Variants in CCDC9B observed in about 807,000 individuals in gnomAD.
CCDC9B encodes the protein coiled-coil domain containing 9B, also known as coiled-coil domain-containing protein 9B.
A neutral mutation model predicts 47.2 loss-of-function variants in CCDC9B; 40 were observed. That is an observed-to-expected ratio of 0.85 (90% CI 0.66 to 1.10). The LOEUF (loss-of-function observed/expected upper bound fraction) is 1.10, where lower values mean the gene tolerates loss of function less well. Ranked by LOEUF, CCDC9B falls within the 50% of genes least tolerant of loss-of-function variation. The probability of loss-of-function intolerance (pLI) is 0.00; values close to 1 mark genes in which losing one functional copy is unlikely to be tolerated. For missense variants in CCDC9B, 662 were observed against 651.0 expected (o/e 1.02, Z -0.18); for synonymous variants, 238 against 250.7 (o/e 0.95, Z 0.48).
Position 40,339,954 on chromosome 15 carries a change from C to T in CCDC9B, c.74G>A (p.Arg25Lys), listed in dbSNP as rs1436955262. 1.2e-6 allele frequency: 2 copies of T among 1,613,958 alleles called. No homozygotes were observed. Among genetic ancestry groups the T allele is most frequent in the East Asian group, 4.5e-5 (2 of 44,880 alleles). Reference protein sequence around the residue: ...RQEKDAELDRRIVALRKKNQA... With the variant: ...RQEKDAELDRKIVALRKKNQA... Reference sequence around the variant, plus strand: ...GTTCTTCTTGCGCAGGGCAACTATCCTCCGATCCAGCTCTGCGTCCTTCTC... The same window carrying T: ...GTTCTTCTTGCGCAGGGCAACTATCTTCCGATCCAGCTCTGCGTCCTTCTC... The change falls in exon 2 of 11, where the codon AGG becomes AAG. Residue 25 changes from arginine (R) to lysine (K), a missense_variant. Transcript: ENST00000397536.
At position 40,335,125 on chromosome 15, in the gene CCDC9B, C is replaced by A. The variant is rs764269177; in HGVS notation, c.*33G>T. The A allele has an allele frequency of 6.8e-6, 10 of 1,480,188 alleles. No homozygotes were observed. Among genetic ancestry groups the A allele is most frequent in the Admixed American group, 2.3e-5 (1 of 43,318 alleles). 91.7% of individuals were successfully genotyped at this position (1,480,188 alleles called of 1,614,324 possible). ...TAACAGAGTGATTCCCTTTTCCTCT[C>A]CCCGGGGACTCCCCAGCTCCCAGGA... On this transcript the variant is annotated 3_prime_UTR_variant, in exon 11 of 11. Transcript: ENST00000397536.
chr15:40,337,837 G>T lies in CCDC9B; in HGVS notation c.570C>A (p.Asp190Glu), dbSNP rs1284006200. 2 of 1,609,458 alleles carry T rather than the reference G, an allele frequency of 1.2e-6. No individual in the cohort carries two copies. The highest frequency in any genetic ancestry group is 1.1e-5 in the South Asian group (1 of 90,730). ...PVGEPPEAGW[D>E]YAQWKQEREQ... ...CCCGCTCCTGCTTCCACTGGGCATA[G>T]TCCCAGCCCGCCTCCGGGGGCTCCC... is the stretch of plus-strand genomic sequence containing the variant. Residue 190 changes from aspartate (D) to glutamate (E), a missense_variant, in exon 6 of 11, where the codon GAC becomes GAA. Transcript: ENST00000397536.
At chr15:40,337,001 G>C in intron 7 of CCDC9B, 188 bp from the exon 8 acceptor site, 1 of 607,396 alleles carries the variant, frequency 1.6e-6, no homozygotes, top group Non-Finnish European at 2.9e-6. Flanking sequence ...CCATGGCTAG[G>C]TGTCTGGCCC....
intron 3 of CCDC9B, 173 bp from the exon 4 acceptor site, chr15:40,339,076 G>A (rs751167539): frequency 2.0e-5 from 15 of 752,348 alleles, no homozygotes; most frequent in Non-Finnish European, 2.9e-5. Flanking sequence ...GTTATCCAGG[G>A]CCCAGGGCCA....
intron 9 of CCDC9B, chr15:40,336,105 C>T (rs2060697147): frequency 1.6e-5 from 16 of 985,436 alleles, no homozygotes; most frequent in Non-Finnish European, 1.8e-5. Flanking sequence ...CAAAGAAACT[C>T]CTGGCAGAAG....
intron 7 of CCDC9B, 164 bp from the exon 8 acceptor site, chr15:40,336,977 C>T: frequency 1.6e-6 from 1 of 637,880 alleles, no homozygotes; most frequent in Non-Finnish European, 2.7e-6. Flanking sequence ...GGGTCCTGTG[C>T]TAGCTTTGCC....
chr15:40,337,563 C>T (rs1888991031), intron 6 of CCDC9B, 117 bp from the exon 7 acceptor site: 6 of 1,201,384 alleles, frequency 5.0e-6, no homozygotes, highest in Non-Finnish European at 6.9e-6. Context: ...AGATGGTGGG[C>T]CCAAGAAAGA....
At chr15:40,340,652 CTCTG>C (rs894491531) in intron 1 of CCDC9B, 152 bp downstream of exon 1, 1 of 690,506 alleles carries the variant, frequency 1.4e-6, no homozygotes, top group Non-Finnish European at 2.4e-6. Context: ...CCAGGTTCCT[CTCTG>C]TCTGGATGCA....
chr15:40,338,430 C>T, intron 5 of CCDC9B, 105 bp downstream of exon 5: 2 of 1,364,378 alleles, frequency 1.5e-6, no homozygotes, highest in Non-Finnish European at 2.0e-6. Flanking sequence ...CATGTGCTCC[C>T]TTGGCCACGT....
rs764131688 is a variant in CCDC9B at position 40,338,680 on chromosome 15, G to T, written c.388-20C>A. On this transcript the variant is annotated intron_variant, in intron 4 of 10. Transcript: ENST00000397536. ...TTTGCCCTGGGGAGGATGAAGATGG[G>T]CAGTGCAGCAGAGCCAGGGAGGAAG... 5.6e-6 allele frequency: 9 copies of T among 1,613,334 alleles called. 1 individual carries two copies. Among genetic ancestry groups the T allele is most frequent in the Non-Finnish European group, 8.5e-7 (1 of 1,179,614 alleles).
chr15:40,339,858 G>A (rs763697011), intron 2 of CCDC9B, 47 bp downstream of exon 2: 5 of 1,488,144 alleles, frequency 3.4e-6, no homozygotes, highest in Non-Finnish European at 3.7e-6. Context: ...GGGGCACAGG[G>A]AGCGGCAGCC....
At chr15:40,340,356 C>G (rs1269871424) in intron 1 of CCDC9B, 1 of 350,162 alleles carries the variant, frequency 2.9e-6, no homozygotes, top group Non-Finnish European at 5.2e-6. Flanking sequence ...GCAGCGGAAC[C>G]TGCCGTGACT....
Position 40,336,753 on chromosome 15 carries a change from A to C in CCDC9B, c.796+7T>G. The C allele has an allele frequency of 1.9e-6, 3 of 1,599,484 alleles. No homozygotes were observed. The highest frequency in any genetic ancestry group is 2.3e-5 in the East Asian group (1 of 43,788). ...CGAGACCTGGCCCCTCCTCCTCCCCAACTCACCTTTTCCATCAGGGAGCAA... is the reference window on the plus strand; with the variant it reads ...CGAGACCTGGCCCCTCCTCCTCCCCCACTCACCTTTTCCATCAGGGAGCAA... On this transcript the variant is annotated splice_region_variant and intron_variant, in intron 8 of 10. Transcript: ENST00000397536.
Position 40,333,710 on chromosome 15 carries a change from A to AG in CCDC9B, c.*1447dup. 1 of 666,356 alleles carries AG rather than the reference A, an allele frequency of 1.5e-6. No individual in the cohort carries two copies. The highest frequency in any genetic ancestry group is 1.9e-6 in the Non-Finnish European group (1 of 539,352). 41.3% of individuals were successfully genotyped at this position (666,356 alleles called of 1,614,324 possible). On this transcript the variant is annotated 3_prime_UTR_variant, in exon 11 of 11. Transcript: ENST00000397536. ...AGATGCCCCTCACCTTCCTGAATAG[A>AG]GGGGTGGGGTGGAGTTGAGAGCCAG...
chr15:40,340,101 G>C (rs12440659), intron 1 of CCDC9B, 86 bp from the exon 2 acceptor site: 578,553 of 810,622 alleles, frequency 0.71, 208,570 homozygotes, highest in East Asian at 0.88. Flanking sequence ...ACCCAAGGAA[G>C]AGATCCCAGA....
chr15:40,337,661 C>T (rs1002642849), intron 6 of CCDC9B, 63 bp downstream of exon 6: 9 of 1,517,530 alleles, frequency 5.9e-6, no homozygotes, highest in Non-Finnish European at 7.9e-6. Flanking sequence ...GCAGCCCTCC[C>T]AGCAGTGCCC....
intron 3 of CCDC9B, 190 bp from the exon 4 acceptor site, chr15:40,339,093 G>A (rs759341218): frequency 1.8e-5 from 12 of 679,360 alleles, no homozygotes; most frequent in Non-Finnish European, 2.6e-5. Flanking sequence ...GCCACCCAGC[G>A]GCCCAAGATG....
chr15:40,340,397 G>A (rs73397306), intron 1 of CCDC9B: 3 of 327,144 alleles, frequency 9.2e-6, no homozygotes, highest in Middle Eastern at 8.9e-4. Flanking sequence ...GGGAGGTCGA[G>A]GGGGGAGCTG....
In CCDC9B at chr15:40,335,572, C is replaced by A; in HGVS notation, c.1059G>T (p.Lys353Asn). 1 of 1,502,858 alleles carries A rather than the reference C, an allele frequency of 6.7e-7. No homozygotes were observed. The highest frequency in any genetic ancestry group is 2.4e-5 in the East Asian group (1 of 42,186). The allele number at this position is 1,502,858 out of a possible 1,614,324, so 93.1% of individuals were successfully genotyped here. A position where few individuals can be genotyped will look rare whatever the true frequency, so the allele number is the denominator to read the frequency against. ...SPALASPEGP[K>N]GESVASTASS... ...TGGCTGTGGAAGCCACTGACTCCCC[C>A]TTCGGCCCCTCTGGGGATGCCAGGG... The change falls in exon 11 of 11, where the codon AAG becomes AAT. Residue 353 changes from lysine to asparagine, a missense_variant. Lys to Asn is a moderately conservative substitution (Grantham distance 94). Coordinates refer to ENST00000397536, the MANE Select transcript of CCDC9B (RefSeq NM_207380.3).
Sources: allele counts gnomAD v4.1 joint callset, GRCh38; gene constraint gnomAD v4.1.1; transcripts MANE v1.5; gene names NCBI Gene and HGNC (gene_info 2026-07-23, HGNC 2026-07-21).